The following RPTOR variants were observed in gnomAD, a reference collection of about 807,000 sequenced individuals.
The protein encoded by RPTOR is regulatory associated protein of MTOR complex 1.
RPTOR carries 21 observed loss-of-function variants against 169.9 expected under a neutral mutation model. The ratio of observed to expected loss-of-function variants is 0.12; its 90% confidence interval spans 0.09 to 0.18. The LOEUF is 0.18. Ranked by LOEUF, RPTOR falls within the 10% of genes least tolerant of loss-of-function variation. The pLI, the probability that RPTOR is intolerant of heterozygous loss-of-function variation, is 1.00. For synonymous variants in RPTOR, 732 were observed against 753.2 expected, an observed-to-expected ratio of 0.97 and a Z score of 0.46; for missense variants, 1,133 against 1,855.9, an observed-to-expected ratio of 0.61 and a Z score of 7.16.
At chr17:80,899,896 G>T (rs1269042276) in intron 20 of RPTOR, among the ~76,000 whole-genome samples, 1 of 152,192 alleles carries the variant, frequency 6.6e-6, no homozygotes, top group Non-Finnish European at 1.5e-5. Context: ...GGCACACCCT[G>T]CCCGCACCCT....
intron 6 of RPTOR, among the ~76,000 whole-genome samples, chr17:80,783,804 C>T (rs1354926583): frequency 2.6e-5 from 4 of 152,332 alleles, no homozygotes; most frequent in South Asian, 2.1e-4. Context: ...TTCTGTAGCA[C>T]GGAGGGCCAC....
At chr17:80,614,966 A>G (rs2065298338) in intron 1 of RPTOR, among the ~76,000 whole-genome samples, 1 of 152,110 alleles carries the variant, frequency 6.6e-6, no homozygotes, top group Non-Finnish European at 1.5e-5. Flanking sequence ...TCCTGCGGTA[A>G]TTCCTCATTT....
At chr17:80,712,608 T>C (rs1035290267) in intron 4 of RPTOR, among the ~76,000 whole-genome samples, 1 of 152,232 alleles carries the variant, frequency 6.6e-6, no homozygotes, top group African/African-American at 2.4e-5. Flanking sequence ...CTTCTGACAA[T>C]TAGGAATAAA....
At chr17:80,887,167 C>T (rs1435670280) in intron 17 of RPTOR, among the ~76,000 whole-genome samples, 2 of 151,652 alleles carry the variant, frequency 1.3e-5, no homozygotes, top group Admixed American at 1.3e-4. Context: ...TGTGACCAAG[C>T]GGGCTGCACT....
At chr17:80,673,205 G>A (rs1050765435) in intron 3 of RPTOR, among the ~76,000 whole-genome samples, 2 of 152,048 alleles carry the variant, frequency 1.3e-5, no homozygotes, top group Admixed American at 6.5e-5. Flanking sequence ...GGTGTGAGCC[G>A]CCACGCCCAG....
At position 80,950,946 on chromosome 17, in the gene RPTOR, C is replaced by G. The variant is rs559909000; in HGVS notation, c.3370+1399C>G. 8.5e-5 allele frequency among the ~76,000 whole-genome samples: 13 copies of G among 152,358 alleles called. No individual in the cohort carries two copies. In the South Asian group the frequency reaches 2.7e-3, roughly 32 times the overall value. ...GGCTGAGCCCTGGCTCTGCCTTGCC[C>G]TTTCTCTTGTTTGCTTTTGTGAAAA... On this transcript the variant is annotated intron_variant, in intron 28 of 33. Coordinates refer to ENST00000306801, the MANE Select transcript of RPTOR (RefSeq NM_020761.3).
chr17:80,871,110 T>C (rs746093701), intron 13 of RPTOR, among the ~76,000 whole-genome samples: 45 of 151,310 alleles, frequency 3.0e-4, no homozygotes, highest in South Asian at 8.4e-4. Flanking sequence ...ATTTGCCCAA[T>C]TTTTTTTTCG....
In RPTOR at chr17:80,893,338, T is replaced by C. The variant is rs1235886019; in HGVS notation, c.2243-369T>C. Among the ~76,000 whole-genome samples the C allele has an allele frequency of 2.1e-5, 3 of 140,172 alleles. No homozygotes were observed. The East Asian group carries it at 6.3e-4, about 29-fold the overall frequency. The allele number at this position is 140,172 out of a possible 152,430, so 92.0% of individuals were successfully genotyped here. A position where few individuals can be genotyped will look rare whatever the true frequency, so the allele number is the denominator to read the frequency against. ...CAGGTGTGTGCGCGCGCCAGGTGTG[T>C]GTGCGCCAGGGTGTGTGTGTGCTGG... On this transcript the variant is annotated intron_variant, in intron 19 of 33. Coordinates refer to ENST00000306801, the MANE Select transcript of RPTOR (RefSeq NM_020761.3).
At chr17:80,634,770 G>A (rs62068347) in intron 2 of RPTOR, among the ~76,000 whole-genome samples, 9,771 of 67,566 alleles carry the variant, frequency 0.14, 1,705 homozygotes, top group Non-Finnish European at 0.19. Flanking sequence ...CGTACTGTGC[G>A]TGTGTGTACT....
rs1266018701 is a variant in RPTOR, at chr17:80,823,029, G to T, written c.992-50G>T. 1 of 1,575,878 alleles carries T rather than the reference G, an allele frequency of 6.3e-7. No individual in the cohort carries two copies. Among genetic ancestry groups the T allele is most frequent in the South Asian group, 1.2e-5 (1 of 86,080 alleles). Reference sequence around the variant, plus strand: ...TGAATTTGTGTATTTGGCTTTAAATGCTAGACACAAGTCACTGTAGACTCC... The same window carrying T: ...TGAATTTGTGTATTTGGCTTTAAATTCTAGACACAAGTCACTGTAGACTCC... On this transcript the variant is annotated intron_variant, in intron 8 of 33. Transcript: ENST00000306801. The surrounding 1 kb of genome is among the most constrained non-coding windows in gnomAD (Gnocchi z 4.5).
At chr17:80,598,932 T>C (rs1317310781) in intron 1 of RPTOR, among the ~76,000 whole-genome samples, 1 of 111,330 alleles carries the variant, frequency 9.0e-6, no homozygotes, top group African/African-American at 3.7e-5. Context: ...ATCTATCTTT[T>C]TGAGACTGGG....
chr17:80,952,910 G>T (rs1369753462), intron 28 of RPTOR, among the ~76,000 whole-genome samples: 1 of 143,486 alleles, frequency 7.0e-6, no homozygotes, highest in East Asian at 2.0e-4. Context: ...TGTTGCCCAG[G>T]CTGGAGTGCA....
At chr17:80,788,894 T>G (rs902338055) in intron 6 of RPTOR, among the ~76,000 whole-genome samples, 1 of 152,230 alleles carries the variant, frequency 6.6e-6, no homozygotes, top group Non-Finnish European at 1.5e-5. Context: ...AACACTCTGA[T>G]GTAGGTGAAT....
chr17:80,695,933 T>C lies in RPTOR; in HGVS notation c.349-11908T>C, dbSNP rs539088498. Among the ~76,000 whole-genome samples, 1 of 152,298 alleles carries C rather than the reference T, an allele frequency of 6.6e-6. No homozygotes were observed. Among genetic ancestry groups the C allele is most frequent in the East Asian group, 1.9e-4 (1 of 5,176 alleles). On this transcript the variant is annotated intron_variant, in intron 3 of 33. Transcript: ENST00000306801. This position sits in a 1 kb window ranked among gnomAD's most constrained non-coding sequence, Gnocchi z 4.9. ...CTGGCTTTGATCTACCCCGGACCCA[T>C]CTTTCTGTGAAGAGTTTGCAGAGGA...
intron 5 of RPTOR, among the ~76,000 whole-genome samples, chr17:80,736,894 G>A (rs895934073): frequency 6.6e-6 from 1 of 152,168 alleles, no homozygotes; most frequent in Non-Finnish European, 1.5e-5. Flanking sequence ...AGGGATCTGC[G>A]GTGCCGATTC....
chr17:80,746,059 G>A lies in RPTOR; in HGVS notation c.655-7951G>A, dbSNP rs1432612229. 1.3e-5 allele frequency among the ~76,000 whole-genome samples: 2 copies of A among 152,110 alleles called. No homozygotes were observed. Among genetic ancestry groups the A allele is most frequent in the Non-Finnish European group, 2.9e-5 (2 of 68,006 alleles). On this transcript the variant is annotated intron_variant, in intron 5 of 33. Transcript: ENST00000306801. The surrounding 1 kb of genome is among the most constrained non-coding windows in gnomAD (Gnocchi z 4.5). Reference sequence around the variant, plus strand: ...TACCTGTAATCCCAGCTACTTGAGAGGCTGAGGCGGGAGAATCGCTTGAAC... The same window carrying A: ...TACCTGTAATCCCAGCTACTTGAGAAGCTGAGGCGGGAGAATCGCTTGAAC...
At chr17:80,818,029 C>A (rs959013189) in intron 7 of RPTOR, among the ~76,000 whole-genome samples, 1 of 152,192 alleles carries the variant, frequency 6.6e-6, no homozygotes, top group African/African-American at 2.4e-5. Context: ...GGAGATAAAC[C>A]CTCCTGCCAA....
At chr17:80,606,751 G>T (rs1161352670) in intron 1 of RPTOR, among the ~76,000 whole-genome samples, 1 of 152,016 alleles carries the variant, frequency 6.6e-6, no homozygotes, top group African/African-American at 2.4e-5. Context: ...TTACCTGTCT[G>T]TCCAACCACC....
At chr17:80,864,763 ATCT>A (rs2067967719) in intron 13 of RPTOR, among the ~76,000 whole-genome samples, 1 of 152,252 alleles carries the variant, frequency 6.6e-6, no homozygotes, top group African/African-American at 2.4e-5. Flanking sequence ...TTTTATTTAA[ATCT>A]TCTTTAAAAG....
Sources: gnomAD v4.1 joint callset for allele counts (sites outside exome capture counted in the v4.1 genomes callset) on GRCh38, gnomAD v4.1.1 for gene constraint, Gnocchi (gnomAD v3.1) non-coding constraint, MANE v1.5 for transcripts, NCBI Gene and HGNC (gene_info 2026-07-23, HGNC 2026-07-21) for gene names.